Variants in SGCZ observed in about 807,000 individuals in gnomAD.
The protein encoded by SGCZ is sarcoglycan zeta.
In SGCZ, 40 loss-of-function variants were observed where a neutral mutation model predicts 41.3. The observed-to-expected ratio is 0.97, with a 90% CI of 0.75 to 1.26. SGCZ has a LOEUF of 1.26. Among genes scored for constraint, SGCZ ranks in the 50% most tolerant of loss-of-function variants. The pLI is 0.00. For synonymous variants in SGCZ, 206 were observed against 137.5 expected, an observed-to-expected ratio of 1.50 and a Z score of -3.49; for missense variants, 552 against 369.8, an observed-to-expected ratio of 1.49 and a Z score of -4.04.
chr8:14,459,081 T>G (rs1330229515), intron 2 of SGCZ, among the ~76,000 whole-genome samples: 1 of 152,174 alleles, frequency 6.6e-6, no homozygotes, highest in Non-Finnish European at 1.5e-5. Context: ...CATTAGTTGG[T>G]TATAACTTGC....
At chr8:14,377,865 T>C (rs1387317410) in intron 2 of SGCZ, among the ~76,000 whole-genome samples, 4 of 151,790 alleles carry the variant, frequency 2.6e-5, no homozygotes, top group Non-Finnish European at 4.4e-5. Context: ...GAACTCATCA[T>C]TTTTTATGGC....
chr8:14,410,069 C>T (rs1427169455), intron 2 of SGCZ, among the ~76,000 whole-genome samples: 3 of 152,082 alleles, frequency 2.0e-5, no homozygotes, highest in African/African-American at 7.2e-5. Flanking sequence ...GCTCCGCCTC[C>T]AGTAAGACCA....
At chr8:14,948,662 C>G (rs776314686) in intron 1 of SGCZ, among the ~76,000 whole-genome samples, 1 of 152,248 alleles carries the variant, frequency 6.6e-6, no homozygotes, top group Non-Finnish European at 1.5e-5. Context: ...CTAACTACCT[C>G]CTATTTTGCA....
At chr8:15,034,600 C>T (rs987921255) in intron 1 of SGCZ, among the ~76,000 whole-genome samples, 1 of 152,104 alleles carries the variant, frequency 6.6e-6, no homozygotes, top group Non-Finnish European at 1.5e-5. Flanking sequence ...TATCCAGGTA[C>T]AGAAAGGTCA....
At chr8:14,834,167 T>C (rs567324710) in intron 1 of SGCZ, among the ~76,000 whole-genome samples, 3 of 152,318 alleles carry the variant, frequency 2.0e-5, no homozygotes, top group East Asian at 1.9e-4. Context: ...TATTTTGTAA[T>C]TGATTTTTTC....
chr8:14,905,071 C>T (rs1018136791), intron 1 of SGCZ, among the ~76,000 whole-genome samples: 1 of 151,766 alleles, frequency 6.6e-6, no homozygotes, highest in Non-Finnish European at 1.5e-5. Context: ...TTGACACTAC[C>T]CTATACTCAC....
chr8:14,579,828 T>C (rs1804828729), intron 1 of SGCZ, among the ~76,000 whole-genome samples: 1 of 152,224 alleles, frequency 6.6e-6, no homozygotes, highest in Non-Finnish European at 1.5e-5. Context: ...TTTGTGTATC[T>C]AGGTTAGGTG....
intron 4 of SGCZ, among the ~76,000 whole-genome samples, chr8:14,236,872 C>G (rs1806781158): frequency 6.6e-6 from 1 of 151,524 alleles, no homozygotes; most frequent in African/African-American, 2.4e-5. Context: ...ATATAAATCT[C>G]CAAATTAAAA....
chr8:14,654,243 A>G (rs1051760895), intron 1 of SGCZ, among the ~76,000 whole-genome samples: 2 of 151,960 alleles, frequency 1.3e-5, no homozygotes, highest in Non-Finnish European at 2.9e-5. Context: ...TTAAAAAAAA[A>G]AAAGGATATC....
chr8:14,847,860 C>T (rs571797449), intron 1 of SGCZ, among the ~76,000 whole-genome samples: 67 of 150,930 alleles, frequency 4.4e-4, no homozygotes, highest in African/African-American at 1.6e-3. Flanking sequence ...TCTGCTCCCA[C>T]CATCTCTAGT....
At chr8:14,110,048 T>A (rs1218540854) in intron 5 of SGCZ, among the ~76,000 whole-genome samples, 8 of 152,188 alleles carry the variant, frequency 5.3e-5, no homozygotes, top group Non-Finnish European at 1.0e-4. Context: ...TTTAAGCGGT[T>A]TATTCTTTTG....
At chr8:14,640,876 G>A (rs1348087152) in intron 1 of SGCZ, among the ~76,000 whole-genome samples, 1 of 151,616 alleles carries the variant, frequency 6.6e-6, no homozygotes, top group Non-Finnish European at 1.5e-5. Context: ...AACAGCTTCA[G>A]CCATCTGCAG....
At chr8:14,860,688 G>C (rs1803705897) in intron 1 of SGCZ, among the ~76,000 whole-genome samples, 1 of 134,576 alleles carries the variant, frequency 7.4e-6, no homozygotes. Flanking sequence ...GAGAAAGAAA[G>C]AAAGAAGGAA....
chr8:14,943,530 A>G (rs1800344287), intron 1 of SGCZ, among the ~76,000 whole-genome samples: 3 of 152,248 alleles, frequency 2.0e-5, no homozygotes, highest in South Asian at 4.1e-4. Context: ...CTTTCCATCT[A>G]TGAGAATGGA....
At chr8:14,463,220 G>C (rs1224500417) in intron 2 of SGCZ, among the ~76,000 whole-genome samples, 1 of 150,888 alleles carries the variant, frequency 6.6e-6, no homozygotes, top group Admixed American at 6.6e-5. Context: ...AATAATATTA[G>C]AATGGAATCT....
chr8:14,584,916 T>C (rs777276861), intron 1 of SGCZ, among the ~76,000 whole-genome samples: 3 of 152,110 alleles, frequency 2.0e-5, no homozygotes, highest in Non-Finnish European at 4.4e-5. Flanking sequence ...CTTACAGTCA[T>C]TTGTTAAATA....
chr8:14,429,278 G>A (rs1799877015), intron 2 of SGCZ, among the ~76,000 whole-genome samples: 1 of 152,206 alleles, frequency 6.6e-6, no homozygotes, highest in Non-Finnish European at 1.5e-5. Flanking sequence ...GTGAGGCTGG[G>A]GTTTGAGGAG....
At chr8:15,220,431 C>T (rs531396611) in intron 1 of SGCZ, among the ~76,000 whole-genome samples, 1 of 152,172 alleles carries the variant, frequency 6.6e-6, no homozygotes, top group African/African-American at 2.4e-5. Flanking sequence ...AGCTCCAGGC[C>T]CTTGCAAATG....
chr8:14,096,163 G>A (rs1464023959), intron 7 of SGCZ, among the ~76,000 whole-genome samples: 2 of 152,096 alleles, frequency 1.3e-5, no homozygotes, highest in Non-Finnish European at 2.9e-5. Flanking sequence ...GGAAGAGAGG[G>A]CATCCTTGTC....
Sources: gnomAD v4.1 joint callset for allele counts (sites outside exome capture counted in the v4.1 genomes callset) on GRCh38, gnomAD v4.1.1 for gene constraint, MANE v1.5 for transcripts, NCBI Gene and HGNC (gene_info 2026-07-23, HGNC 2026-07-21) for gene names.